SMOC2: variants seen among roughly 807,000 people sequenced by gnomAD.
The protein encoded by SMOC2 is SPARC-related modular calcium-binding protein 2.
Under a neutral mutation model 61.4 loss-of-function variants are expected in SMOC2, and 39 were observed. The ratio of observed to expected loss-of-function variants is 0.64; its 90% CI spans 0.49 to 0.83. The LOEUF is 0.83. Ranked by LOEUF, SMOC2 falls within the 40% of genes least tolerant of loss-of-function variation. The pLI is 0.00. For missense variants in SMOC2, 556 were observed against 592.9 expected (o/e 0.94, Z 0.65); for synonymous variants, 247 against 239.9 (o/e 1.03, Z -0.27).
intron 12 of SMOC2, chr6:168,664,820 T>C (rs1787619011): frequency 2.1e-6 from 1 of 470,862 alleles, no homozygotes. Flanking sequence ...ATGAGTGGGT[T>C]CATGTCTCTC....
At chr6:168,622,616 A>C (rs1484427046) in intron 9 of SMOC2, among the ~76,000 whole-genome samples, 1 of 152,092 alleles carries the variant, frequency 6.6e-6, no homozygotes, top group Admixed American at 6.5e-5. Flanking sequence ...CTAACTCAGC[A>C]GAGGTGAGAC....
rs1215048295 is a variant in SMOC2, at chr6:168,597,571, T to G, written c.638-1247T>G. Among the ~76,000 whole-genome samples, 3 of 152,376 alleles carry G rather than the reference T, an allele frequency of 2.0e-5. No individual in the cohort carries two copies. The South Asian group carries it at 6.2e-4, about 32-fold the overall frequency. Reference sequence around the variant, plus strand: ...CAGTGCTGAGCAGCTCTTATCAGCTTCCTACTGTGTTCCACCTGTCTGATA... The same window carrying G: ...CAGTGCTGAGCAGCTCTTATCAGCTGCCTACTGTGTTCCACCTGTCTGATA... On this transcript the variant is annotated intron_variant, in intron 7 of 12. Coordinates refer to ENST00000356284, the MANE Select transcript of SMOC2 (RefSeq NM_001166412.2).
chr6:168,659,958 G>A (rs1033559585), intron 11 of SMOC2, among the ~76,000 whole-genome samples: 17 of 121,852 alleles, frequency 1.4e-4, no homozygotes, highest in Non-Finnish European at 2.9e-4. Context: ...TGTAGGTTGG[G>A]TGAGGTTGTA....
intron 1 of SMOC2, among the ~76,000 whole-genome samples, chr6:168,445,944 C>T (rs1781322907): frequency 1.3e-5 from 2 of 152,180 alleles, no homozygotes; most frequent in African/African-American, 2.4e-5. Flanking sequence ...ACAGATTTCT[C>T]AGTAATTCTA....
intron 7 of SMOC2, among the ~76,000 whole-genome samples, chr6:168,575,659 A>G (rs1453901206): frequency 2.0e-5 from 3 of 152,198 alleles, no homozygotes; most frequent in Non-Finnish European, 2.9e-5. Context: ...AGCCAAAAAC[A>G]TCCAAAAAAT....
intron 12 of SMOC2, chr6:168,664,697 G>A (rs1175706616): frequency 6.4e-6 from 3 of 470,874 alleles, no homozygotes; most frequent in Admixed American, 4.7e-5. Context: ...ACAAACATGT[G>A]TTGTGTTTCT....
intron 4 of SMOC2, among the ~76,000 whole-genome samples, chr6:168,528,217 A>T (rs976509849): frequency 7.9e-5 from 12 of 152,070 alleles, no homozygotes; most frequent in Non-Finnish European, 7.4e-5. Context: ...TACTAAAAGT[A>T]ATAAAATTAG....
intron 7 of SMOC2, among the ~76,000 whole-genome samples, chr6:168,560,416 A>T (rs2115123268): frequency 6.6e-6 from 1 of 152,392 alleles, no homozygotes; most frequent in East Asian, 1.9e-4. Flanking sequence ...ACTGACAAAC[A>T]GTCTTCAAGG....
At chr6:168,488,938 C>T (rs1782400696) in intron 1 of SMOC2, among the ~76,000 whole-genome samples, 1 of 151,132 alleles carries the variant, frequency 6.6e-6, no homozygotes. Context: ...TCTGGGTCCC[C>T]TTGCATCACA....
intron 4 of SMOC2, among the ~76,000 whole-genome samples, chr6:168,541,378 C>G (rs1358740328): frequency 6.6e-6 from 1 of 152,136 alleles, no homozygotes; most frequent in Non-Finnish European, 1.5e-5. Context: ...ATCAGTCAAC[C>G]CTTCTTTCTC....
intron 1 of SMOC2, among the ~76,000 whole-genome samples, chr6:168,467,617 A>C (rs576311494): frequency 2.0e-5 from 3 of 152,048 alleles, no homozygotes. Flanking sequence ...CCAACCTGCT[A>C]ATTTTTAAAA....
chr6:168,615,172 A>AGG (rs1173610049), intron 9 of SMOC2, among the ~76,000 whole-genome samples: 2 of 53,918 alleles, frequency 3.7e-5, no homozygotes, highest in Non-Finnish European at 7.3e-5. Flanking sequence ...CAGCCAGCAC[A>AGG]GGGCCTCTTC....
intron 1 of SMOC2, among the ~76,000 whole-genome samples, chr6:168,467,409 C>A (rs777831824): frequency 6.6e-6 from 1 of 152,048 alleles, no homozygotes; most frequent in Admixed American, 6.6e-5. Context: ...TGGTTTCAAG[C>A]GATTCTCCTG....
intron 7 of SMOC2, among the ~76,000 whole-genome samples, chr6:168,592,032 T>G (rs975824611): frequency 5.3e-5 from 8 of 152,236 alleles, no homozygotes; most frequent in Non-Finnish European, 1.0e-4. Flanking sequence ...AACTTGAACT[T>G]TGGTTCCTTG....
chr6:168,629,003 G>T (rs887729645), intron 9 of SMOC2, among the ~76,000 whole-genome samples: 1 of 152,244 alleles, frequency 6.6e-6, no homozygotes, highest in Non-Finnish European at 1.5e-5. Context: ...GCGTTGGCTG[G>T]CAGGCAGGCG....
chr6:168,658,272 G>A (rs1199704844), intron 11 of SMOC2, among the ~76,000 whole-genome samples: 1 of 152,202 alleles, frequency 6.6e-6, no homozygotes, highest in Non-Finnish European at 1.5e-5. Context: ...GTGACACCTT[G>A]TGGCACCTGG....
intron 7 of SMOC2, among the ~76,000 whole-genome samples, chr6:168,583,942 G>A (rs1222890242): frequency 6.6e-6 from 1 of 152,246 alleles, no homozygotes; most frequent in African/African-American, 2.4e-5. Flanking sequence ...GTGCACAGGC[G>A]AGGAAACCAA....
intron 1 of SMOC2, among the ~76,000 whole-genome samples, chr6:168,484,336 C>CA (rs796854981): frequency 2.3e-4 from 35 of 152,030 alleles, no homozygotes; most frequent in African/African-American, 7.7e-4. Flanking sequence ...GACATGAAAA[C>CA]ATGCTCAGAA....
chr6:168,657,588 CT>C (rs1787359925), intron 11 of SMOC2, among the ~76,000 whole-genome samples: 1 of 152,214 alleles, frequency 6.6e-6, no homozygotes, highest in African/African-American at 2.4e-5. Context: ...CTTTTGGCTT[CT>C]TGGACTGGGA....
Sources: gnomAD v4.1 joint callset for allele counts (sites outside exome capture counted in the v4.1 genomes callset) on GRCh38, gnomAD v4.1.1 for gene constraint, MANE v1.5 for transcripts, NCBI Gene and HGNC (gene_info 2026-07-23, HGNC 2026-07-21) for gene names.